Variants in PLAU observed in about 807,000 individuals in gnomAD.
PLAU encodes urokinase-type plasminogen activator.
A neutral mutation model predicts 48.9 loss-of-function variants in PLAU; 32 were observed. The ratio of observed to expected loss-of-function variants is 0.65; its 90% CI spans 0.49 to 0.88. The LOEUF (loss-of-function observed/expected upper bound fraction) is 0.88. Among genes scored for constraint, PLAU ranks in the 40% least tolerant of loss-of-function variants. PLAU has a pLI of 0.00. For missense variants in PLAU, 455 were observed against 545.2 expected (o/e 0.83, Z 1.65); for synonymous variants, 199 against 205.7 (o/e 0.97, Z 0.28).
chr10:73,916,363 C>T, intron 10 of PLAU, 26 bp from the exon 11 acceptor site: 1 of 1,604,484 alleles, frequency 6.2e-7, no homozygotes, highest in Non-Finnish European at 8.5e-7. Flanking sequence ...CTCTAGGGCT[C>T]ATCTTTTGTA....
chr10:73,911,970 C>G lies in PLAU; in HGVS notation c.58-71C>G, dbSNP rs375669901. On this transcript the variant is annotated intron_variant, in intron 2 of 10. Coordinates refer to ENST00000372764, the MANE Select transcript of PLAU (RefSeq NM_002658.6). ...GAAGAGTGGGTTTTGGGATTGGGGC[C>G]AGTTTACCCTCACCCTGGAGTCCCT... The G allele has an allele frequency of 2.5e-6, 4 of 1,613,978 alleles. No homozygotes were observed. The African/African-American group carries it at 5.3e-5, about 22-fold the overall frequency.
chr10:73,910,292 G>T (rs1461739971), upstream of PLAU: 1 of 152,010 alleles, frequency 6.6e-6, no homozygotes, highest in African/African-American at 2.4e-5. Flanking sequence ...TTTTATTCTT[G>T]CCTGCACAAA....
intron 2 of PLAU, 60 bp downstream of exon 2, chr10:73,911,672 G>C (rs533077465): frequency 6.2e-7 from 1 of 1,603,428 alleles, no homozygotes; most frequent in Admixed American, 1.7e-5. Context: ...CACCAGGGGA[G>C]AGGAGGGGCT....
chr10:73,913,885 T>C, intron 7 of PLAU, 95 bp from the exon 8 acceptor site: 1 of 1,412,678 alleles, frequency 7.1e-7, no homozygotes. Flanking sequence ...CCCATGGCCT[T>C]GGGGACAAGT....
rs780899804 is a variant in PLAU, at chr10:73,912,992, G to T, written c.262G>T (p.Gly88Cys). The change falls in exon 5 of 11, where the codon GGC (glycine) becomes TGC (cysteine). Residue 88 changes from glycine to cysteine, a missense_variant. Physicochemically the swap from Gly to Cys is radical, Grantham distance 159. Transcript: ENST00000372764. ...AGGAAAGGCCAGCACTGACACCATG[G>T]GCCGGCCCTGCCTGCCCTGGAACTC... is the stretch of plus-strand genomic sequence containing the variant. Reference protein sequence around the residue: ...YRGKASTDTMGRPCLPWNSAT... With the variant: ...YRGKASTDTMCRPCLPWNSAT... 3.8e-5 allele frequency: 61 copies of T among 1,613,956 alleles called. No individual in the cohort carries two copies. The highest frequency in any genetic ancestry group is 5.0e-5 in the Admixed American group (3 of 59,992).
rs2096125918 is a variant in PLAU at position 73,912,197 on chromosome 10, C to A, written c.86-18C>A. 6.2e-7 allele frequency: 1 copy of A among 1,614,202 alleles called. No individual in the cohort carries two copies. Among genetic ancestry groups the A allele is most frequent in the East Asian group, 2.2e-5 (1 of 44,874 alleles). ...CACTTCCACTCCCCCTCGCTTACCCCACCTTTGTTCTCTCCAGCGAACTGT... is the reference window on the plus strand; with the variant it reads ...CACTTCCACTCCCCCTCGCTTACCCAACCTTTGTTCTCTCCAGCGAACTGT... On this transcript the variant is annotated intron_variant, in intron 3 of 10. Transcript: ENST00000372764.
chr10:73,911,505 G>C lies in PLAU; in HGVS notation c.-31-20G>C, dbSNP rs1198933595. 1 of 1,597,920 alleles carries C rather than the reference G, an allele frequency of 6.3e-7. No individual in the cohort carries two copies. On this transcript the variant is annotated intron_variant, in intron 1 of 10. Transcript: ENST00000372764. ...TTCCCGTTCCTCCGCCTCTTGCCCT[G>C]ACTTCTCCTTCCTTTGCAGAGCCGC... is the stretch of plus-strand genomic sequence containing the variant.
At chr10:73,912,439 T>C in intron 4 of PLAU, 117 bp downstream of exon 4, 1 of 738,484 alleles carries the variant, frequency 1.4e-6, no homozygotes, top group East Asian at 2.7e-5. Flanking sequence ...TCTTCATCCC[T>C]ATGTGACAAG....
At chr10:73,909,024 T>C (rs1565606766), upstream of PLAU, among the ~76,000 whole-genome samples, 1 of 150,566 alleles carries the variant, frequency 6.6e-6, no homozygotes, top group African/African-American at 2.4e-5. Context: ...GTGCTAAAGA[T>C]TAGCGCATGG....
rs764533890 is a variant in PLAU at position 73,915,292 on chromosome 10, A to G, written c.1012A>G (p.Lys338Glu). 2.5e-6 allele frequency: 4 copies of G among 1,614,062 alleles called. No homozygotes were observed. Among genetic ancestry groups the G allele is most frequent in the Non-Finnish European group, 2.5e-6 (3 of 1,179,976 alleles). Reference protein sequence around the residue: ...YPEQLKMTVVKLISHRECQQP... With the variant: ...YPEQLKMTVVELISHRECQQP... The stretch of plus-strand genomic sequence containing the variant: ...GGAGCAGCTGAAAATGACTGTTGTG[A>G]AGCTGATTTCCCACCGGGAGTGTCA... The change falls in exon 10 of 11, where the codon AAG becomes GAG. Residue 338 changes from lysine to glutamate, a missense_variant. Coordinates refer to ENST00000372764, the MANE Select transcript of PLAU (RefSeq NM_002658.6).
intron 9 of PLAU, 67 bp downstream of exon 9, chr10:73,914,983 G>A: frequency 2.6e-6 from 4 of 1,522,022 alleles, no homozygotes; most frequent in South Asian, 2.4e-5. Context: ...TGAGCCCAGC[G>A]TGATCAAGGG....
Position 73,916,625 on chromosome 10 carries a change from A to G in PLAU, c.*60A>G, listed in dbSNP as rs142117323. On this transcript the variant is annotated 3_prime_UTR_variant, in exon 11 of 11. Transcript: ENST00000372764. ...TCTTGCTGGTTGTCATTTTTGCAGT[A>G]GAGTCATCTCCATCAGCTGTAAGAA... The G allele has an allele frequency of 7.5e-7, 1 of 1,338,752 alleles. No homozygotes were observed. The highest frequency in any genetic ancestry group is 1.4e-5 in the African/African-American group (1 of 69,714). The allele number at this position is 1,338,752 out of a possible 1,614,324, so 82.9% of individuals were successfully genotyped here. A position where few individuals can be genotyped will look rare whatever the true frequency, so the allele number is the denominator to read the frequency against.
chr10:73,915,856 G>A (rs536344619), intron 10 of PLAU, among the ~76,000 whole-genome samples: 1 of 152,308 alleles, frequency 6.6e-6, no homozygotes, highest in East Asian at 1.9e-4. Context: ...CGGGTGGGGA[G>A]GAGAACTAGG....
Position 73,915,405 on chromosome 10 carries a change from T to G in PLAU, c.1119+6T>G, listed in dbSNP as rs1336900773. The G allele has an allele frequency of 2.5e-6, 4 of 1,599,560 alleles. No homozygotes were observed. In the African/African-American group the frequency reaches 5.4e-5, roughly 22 times the overall value. On this transcript the variant is annotated splice_donor_region_variant and intron_variant, in intron 10 of 10. Coordinates refer to ENST00000372764, the MANE Select transcript of PLAU (RefSeq NM_002658.6). ...GGAAAACAGATTCCTGCCAGGTGAG[T>G]GTTCCAAGCATCTCTCTCCACCTCT...
At position 73,916,406 on chromosome 10, in the gene PLAU, C is replaced by A. The variant is rs767845639; in HGVS notation, c.1137C>A (p.Pro379=). The change falls in exon 11 of 11, where the codon CCC becomes CCA. Residue 379 remains proline (P), a synonymous_variant. Transcript: ENST00000372764. The part of the protein sequence containing the change: ...TDSCQGDSGG[P]LVCSLQGRMT... ...CGTCACAGGGAGACTCAGGGGGACC[C>A]CTCGTCTGTTCCCTCCAAGGCCGCA... 1.2e-6 allele frequency: 2 copies of A among 1,613,176 alleles called. No individual in the cohort carries two copies. Among genetic ancestry groups the A allele is most frequent in the Non-Finnish European group, 1.7e-6 (2 of 1,179,602 alleles).
At chr10:73,914,239 G>A (rs1217911882) in intron 8 of PLAU, 111 bp downstream of exon 8, 2 of 1,109,036 alleles carry the variant, frequency 1.8e-6, no homozygotes, top group Non-Finnish European at 2.6e-6. Flanking sequence ...GGTGGGGCGA[G>A]GGACCTTGAA....
intron 6 of PLAU, 30 bp from the exon 7 acceptor site, chr10:73,913,509 C>G (rs890570603): frequency 1.9e-6 from 3 of 1,586,402 alleles, no homozygotes; most frequent in Non-Finnish European, 2.6e-6. Context: ...CTACCTGCCT[C>G]CCTAAGACAT....
intron 3 of PLAU, 52 bp from the exon 4 acceptor site, chr10:73,912,163 A>G (rs765244714): frequency 2.4e-5 from 39 of 1,613,378 alleles, no homozygotes; most frequent in Non-Finnish European, 2.9e-5. Context: ...GGGCTGCGCC[A>G]CCCCTTACCA....
rs143947102 is a variant in PLAU, at chr10:73,916,268, G to A, written c.1120-121G>A. The A allele has an allele frequency of 2.2e-4, 186 of 852,130 alleles. No homozygotes were observed. In the East Asian group the frequency reaches 3.9e-3, roughly 18 times the overall value. The allele number at this position is 852,130 out of a possible 1,614,324, so 52.8% of individuals were successfully genotyped here. On this transcript the variant is annotated intron_variant, in intron 10 of 10. Transcript: ENST00000372764. ...CCCCCCGAAAAAAAGAAAGAAAATGGGAAGTCGCTAAGGACTTTGACTGGG... is the reference window on the plus strand; with the variant it reads ...CCCCCCGAAAAAAAGAAAGAAAATGAGAAGTCGCTAAGGACTTTGACTGGG...
Sources: allele counts gnomAD v4.1 joint callset (sites outside exome capture counted in the v4.1 genomes callset), GRCh38; gene constraint gnomAD v4.1.1; transcripts MANE v1.5; gene names NCBI Gene and HGNC (gene_info 2026-07-23, HGNC 2026-07-21).